Variants in AUNIP observed in about 807,000 individuals in gnomAD.
AUNIP encodes aurora kinase A- and ninein-interacting protein.
In AUNIP, 16 loss-of-function variants were observed where a neutral mutation model predicts 12.2. That is an observed-to-expected ratio of 1.31 (90% CI 0.88 to 1.99). The LOEUF is 1.99. AUNIP is among the 30% of genes most tolerant of loss of function. The pLI is 0.00. For synonymous variants in AUNIP, 142 were observed against 154.8 expected, an observed-to-expected ratio of 0.92 and a Z score of 0.61; for missense variants, 411 against 419.1, an observed-to-expected ratio of 0.98 and a Z score of 0.17.
At chr1:25,845,515 TACC>T (rs2048375720) in intron 1 of AUNIP, among the ~76,000 whole-genome samples, 1 of 152,188 alleles carries the variant, frequency 6.6e-6, no homozygotes, top group Non-Finnish European at 1.5e-5. Flanking sequence ...CTCTTCAGCT[TACC>T]ACCAAGCATT....
At chr1:25,855,174 A>T (rs1181399874) in intron 1 of AUNIP, among the ~76,000 whole-genome samples, 1 of 151,730 alleles carries the variant, frequency 6.6e-6, no homozygotes, top group Non-Finnish European at 1.5e-5. Context: ...CCAGGCTTAG[A>T]CTCAGAATTC....
chr1:25,858,419 GTC>G (rs539205782), intron 1 of AUNIP, among the ~76,000 whole-genome samples: 11 of 152,256 alleles, frequency 7.2e-5, no homozygotes, highest in African/African-American at 2.6e-4. Flanking sequence ...TGCCCCTAGT[GTC>G]TGTTTTGAGC....
In AUNIP at chr1:25,850,211, A is replaced by AAACAAC. The variant is rs140025145; in HGVS notation, c.78+9063_78+9068dup. On this transcript the variant is annotated intron_variant, in intron 1 of 2. Transcript: ENST00000374298. ...TAACAAATTGAGACCCTGATTCTAA[A>AAACAAC]AACAACAACAACAACAACAACAAAA... 4.0e-5 allele frequency among the ~76,000 whole-genome samples: 6 copies of AAACAAC among 151,796 alleles called. No homozygotes were observed. In the East Asian group the frequency reaches 5.8e-4, roughly 15 times the overall value.
chr1:25,836,711 A>G (rs1368036378), intron 2 of AUNIP, among the ~76,000 whole-genome samples: 2 of 152,268 alleles, frequency 1.3e-5, no homozygotes, highest in Admixed American at 1.3e-4. Context: ...GTAAGTGGAA[A>G]AAGTGGGTTT....
At position 25,834,650 on chromosome 1, in the gene AUNIP, G is replaced by A; in HGVS notation, c.*343C>T. The A allele has an allele frequency of 9.6e-7, 1 of 1,036,388 alleles. No homozygotes were observed. Among genetic ancestry groups the A allele is most frequent in the Non-Finnish European group, 1.2e-6 (1 of 863,054 alleles). 64.2% of individuals were successfully genotyped at this position (1,036,388 alleles called of 1,614,324 possible). A position where few individuals can be genotyped will look rare whatever the true frequency, so the allele number is the denominator to read the frequency against. On this transcript the variant is annotated 3_prime_UTR_variant, in exon 3 of 3. Coordinates refer to ENST00000374298, the MANE Select transcript of AUNIP (RefSeq NM_024037.3). ...AAAAAAAAAACACATCCATAAGCAA[G>A]GTCCCAGTCAGACATCTGGAAGGGC... is the stretch of plus-strand genomic sequence containing the variant.
At chr1:25,836,233 G>A (rs905287023) in intron 2 of AUNIP, among the ~76,000 whole-genome samples, 3 of 152,134 alleles carry the variant, frequency 2.0e-5, no homozygotes, top group Middle Eastern at 3.2e-3. Flanking sequence ...TGGTGATCCT[G>A]GTCAAATATA....
At chr1:25,848,593 T>G (rs1270534401) in intron 1 of AUNIP, among the ~76,000 whole-genome samples, 3 of 152,184 alleles carry the variant, frequency 2.0e-5, no homozygotes, top group Non-Finnish European at 4.4e-5. Context: ...GTGTTTTGTT[T>G]TGTTTTTTAA....
intron 1 of AUNIP, among the ~76,000 whole-genome samples, chr1:25,852,272 G>A (rs960111912): frequency 2.6e-5 from 4 of 151,794 alleles, no homozygotes; most frequent in Admixed American, 6.6e-5. Flanking sequence ...GATCAGTCTA[G>A]CTAAAGGTGT....
At position 25,857,142 on chromosome 1, in the gene AUNIP, G is replaced by A. The variant is rs189053655; in HGVS notation, c.78+2138C>T. ...CAAAATTAACTAACAAATCAAAGTG[G>A]TATACAAGTTTCCCACGCATCCCAT... On this transcript the variant is annotated intron_variant, in intron 1 of 2. Coordinates refer to ENST00000374298, the MANE Select transcript of AUNIP (RefSeq NM_024037.3). Among the ~76,000 whole-genome samples, 3 of 152,034 alleles carry A rather than the reference G, an allele frequency of 2.0e-5. No individual in the cohort carries two copies. The East Asian group carries it at 5.8e-4, about 29-fold the overall frequency.
At chr1:25,845,072 A>C (rs1223888946) in intron 1 of AUNIP, among the ~76,000 whole-genome samples, 1 of 152,224 alleles carries the variant, frequency 6.6e-6, no homozygotes, top group African/African-American at 2.4e-5. Context: ...GTATTCATTC[A>C]AAACTTGCTT....
At chr1:25,833,631 T>C (rs2124491027), downstream of AUNIP, among the ~76,000 whole-genome samples, 1 of 152,096 alleles carries the variant, frequency 6.6e-6, no homozygotes, top group Admixed American at 6.6e-5. Flanking sequence ...GGCATGTGCC[T>C]ATAGTTCAGC....
Position 25,834,015 on chromosome 1 carries a change from A to G in AUNIP, c.*978T>C. ...CAATTATCACAAGAGCCACTTTGTA[A>G]ACATTTATTTGGATTCATAGTTTTA... On this transcript the variant is annotated 3_prime_UTR_variant, in exon 3 of 3. Coordinates refer to ENST00000374298, the MANE Select transcript of AUNIP (RefSeq NM_024037.3). The G allele has an allele frequency of 4.1e-6, 4 of 984,152 alleles. No homozygotes were observed. The highest frequency in any genetic ancestry group is 4.8e-6 in the Non-Finnish European group (4 of 828,772). The allele number at this position is 984,152 out of a possible 1,614,324, so 61.0% of individuals were successfully genotyped here. A position where few individuals can be genotyped will look rare whatever the true frequency, so the allele number is the denominator to read the frequency against.
chr1:25,857,629 G>A (rs2048472694), intron 1 of AUNIP, among the ~76,000 whole-genome samples: 1 of 151,600 alleles, frequency 6.6e-6, no homozygotes, highest in African/African-American at 2.4e-5. Context: ...TTGGGAGGCC[G>A]AGACGGGCGG....
intron 1 of AUNIP, among the ~76,000 whole-genome samples, chr1:25,848,315 AC>A (rs2048398870): frequency 6.6e-6 from 1 of 152,008 alleles, no homozygotes; most frequent in African/African-American, 2.4e-5. Context: ...CCCCGTCTCT[AC>A]AAAAATTACA....
chr1:25,836,373 T>C (rs887687734), intron 2 of AUNIP, among the ~76,000 whole-genome samples: 4 of 152,178 alleles, frequency 2.6e-5, no homozygotes, highest in Non-Finnish European at 5.9e-5. Flanking sequence ...GGTCCTCCAC[T>C]CCCCAGGCAT....
chr1:25,836,960 A>G (rs1391956686), intron 2 of AUNIP, among the ~76,000 whole-genome samples: 2 of 152,218 alleles, frequency 1.3e-5, no homozygotes, highest in African/African-American at 2.4e-5. Flanking sequence ...AGCCAAAGGA[A>G]GAGACATAAG....
intron 1 of AUNIP, among the ~76,000 whole-genome samples, chr1:25,842,439 G>A (rs1027360504): frequency 1.2e-4 from 18 of 152,236 alleles, no homozygotes; most frequent in Non-Finnish European, 5.9e-5. Context: ...GAAAAAAACT[G>A]TCCCTATAAC....
At chr1:25,859,013 C>A (rs2048485147) in intron 1 of AUNIP, among the ~76,000 whole-genome samples, 1 of 152,258 alleles carries the variant, frequency 6.6e-6, no homozygotes, top group African/African-American at 2.4e-5. Flanking sequence ...TCTCCCACAC[C>A]TGAACCTTCG....
At chr1:25,855,904 G>A (rs1431150924) in intron 1 of AUNIP, among the ~76,000 whole-genome samples, 1 of 152,214 alleles carries the variant, frequency 6.6e-6, no homozygotes, top group Non-Finnish European at 1.5e-5. Flanking sequence ...ACAAGAAGGA[G>A]AAATGGTGTT....
Sources: allele counts gnomAD v4.1 joint callset (sites outside exome capture counted in the v4.1 genomes callset), GRCh38; gene constraint gnomAD v4.1.1; transcripts MANE v1.5; gene names NCBI Gene and HGNC (gene_info 2026-07-23, HGNC 2026-07-21).